PTPRT: variants seen among roughly 807,000 people sequenced by gnomAD.
PTPRT encodes the protein receptor-type tyrosine-protein phosphatase T.
In PTPRT, 56 loss-of-function variants were observed where a neutral mutation model predicts 176.8. The ratio of observed to expected loss-of-function variants is 0.32; its 90% CI spans 0.26 to 0.40. PTPRT has a LOEUF of 0.40. Ranked by LOEUF, PTPRT falls within the 10% of genes least tolerant of loss-of-function variation. The pLI, the probability that PTPRT is intolerant of heterozygous loss-of-function variation, is 1.00. For missense variants in PTPRT, 1,540 were observed against 1,908.2 expected (o/e 0.81, Z 3.60); for synonymous variants, 783 against 739.0 (o/e 1.06, Z -0.96).
intron 7 of PTPRT, among the ~76,000 whole-genome samples, chr20:42,572,907 T>C (rs2073181710): frequency 6.8e-6 from 1 of 146,084 alleles, no homozygotes; most frequent in Non-Finnish European, 1.5e-5. Flanking sequence ...CCTCTAACAC[T>C]AGAGATAAGT....
At chr20:43,055,290 G>A (rs146181641) in intron 1 of PTPRT, among the ~76,000 whole-genome samples, 5 of 152,248 alleles carry the variant, frequency 3.3e-5, no homozygotes, top group South Asian at 2.1e-4. Context: ...GAAATGATAC[G>A]TACAACCCAG....
rs79901817 is a variant in PTPRT, at chr20:42,449,292, C to T, written c.1451-963G>A. 5.9e-5 allele frequency among the ~76,000 whole-genome samples: 9 copies of T among 152,268 alleles called. 1 individual carries two copies. In the East Asian group the frequency reaches 1.7e-3, roughly 29 times the overall value. ...GAATGACCTACGCCAGCATTTTGAA[C>T]TAATAAGTGCAACCTTTCCTGGGGC... On this transcript the variant is annotated intron_variant, in intron 8 of 30. Transcript: ENST00000373187.
chr20:43,073,472 T>C (rs2011209076), intron 1 of PTPRT, among the ~76,000 whole-genome samples: 1 of 84,042 alleles, frequency 1.2e-5, no homozygotes, highest in Admixed American at 9.7e-5. Context: ...CACAGGAATA[T>C]ATATATATAC....
chr20:42,776,905 AT>A (rs1316772173), intron 4 of PTPRT, among the ~76,000 whole-genome samples: 3 of 151,252 alleles, frequency 2.0e-5, no homozygotes, highest in African/African-American at 7.3e-5. Context: ...TAATTACTTT[AT>A]TTGTTTTGCT....
At chr20:42,806,150 TTC>T (rs573959225) in intron 2 of PTPRT, among the ~76,000 whole-genome samples, 142 of 152,126 alleles carry the variant, frequency 9.3e-4, no homozygotes, top group African/African-American at 3.4e-3. Flanking sequence ...ACATAGATTT[TTC>T]TCTGTCTTTG....
chr20:42,187,877 T>C (rs1990844347), intron 16 of PTPRT, among the ~76,000 whole-genome samples: 1 of 152,230 alleles, frequency 6.6e-6, no homozygotes, highest in South Asian at 2.1e-4. Context: ...TATATGTAAG[T>C]CTTGGCTCAA....
At chr20:42,700,164 A>G (rs1019939308) in intron 6 of PTPRT, among the ~76,000 whole-genome samples, 1 of 152,182 alleles carries the variant, frequency 6.6e-6, no homozygotes, top group Non-Finnish European at 1.5e-5. Flanking sequence ...GGGATTTTTC[A>G]GAAAATTATC....
chr20:42,205,451 T>G (rs2055431232), intron 15 of PTPRT, among the ~76,000 whole-genome samples: 1 of 152,168 alleles, frequency 6.6e-6, no homozygotes, highest in African/African-American at 2.4e-5. Flanking sequence ...CCTGCCCTGT[T>G]TGGCTTTTGC....
In PTPRT at chr20:43,091,362, C is replaced by T. The variant is rs569746331; in HGVS notation, c.88+98284G>A. Among the ~76,000 whole-genome samples, 14 of 152,022 alleles carry T rather than the reference C, an allele frequency of 9.2e-5. No individual in the cohort carries two copies. The East Asian group carries it at 1.6e-3, about 17-fold the overall frequency. ...ATTAGCAATACTGAATGTTAGAAGA[C>T]GACTGGATGTACTTTGAAATGTCAA... On this transcript the variant is annotated intron_variant, in intron 1 of 30. Transcript: ENST00000373187.
intron 7 of PTPRT, among the ~76,000 whole-genome samples, chr20:42,542,072 C>T (rs2072593360): frequency 6.6e-6 from 1 of 152,108 alleles, no homozygotes; most frequent in Non-Finnish European, 1.5e-5. Flanking sequence ...AGGGGCAGTT[C>T]CCCTGCACAT....
At chr20:42,408,987 C>T (rs2145729411) in intron 9 of PTPRT, among the ~76,000 whole-genome samples, 1 of 152,294 alleles carries the variant, frequency 6.6e-6, no homozygotes, top group East Asian at 1.9e-4. Flanking sequence ...GGGCTCTGCC[C>T]TCATGACTTA....
intron 1 of PTPRT, among the ~76,000 whole-genome samples, chr20:43,030,877 G>C (rs962339813): frequency 2.6e-5 from 4 of 152,198 alleles, no homozygotes; most frequent in Non-Finnish European, 4.4e-5. Context: ...ACCCACCTTA[G>C]ATCAGCTTCC....
chr20:42,717,069 G>A (rs1473696095), intron 6 of PTPRT, among the ~76,000 whole-genome samples: 1 of 151,874 alleles, frequency 6.6e-6, no homozygotes, highest in Non-Finnish European at 1.5e-5. Context: ...ATAGCATTAG[G>A]AGATATACCT....
chr20:43,034,138 CT>C (rs1986270699), intron 1 of PTPRT, among the ~76,000 whole-genome samples: 1 of 152,214 alleles, frequency 6.6e-6, no homozygotes, highest in Admixed American at 6.5e-5. Flanking sequence ...AGAAATCTGT[CT>C]TTCCTGACCC....
intron 9 of PTPRT, among the ~76,000 whole-genome samples, chr20:42,373,659 G>T (rs749359696): frequency 4.6e-5 from 7 of 152,178 alleles, no homozygotes; most frequent in South Asian, 2.1e-4. Flanking sequence ...CGTCTCATTC[G>T]CAATGACTTG....
intron 12 of PTPRT, among the ~76,000 whole-genome samples, chr20:42,304,361 C>T (rs999606544): frequency 6.6e-6 from 1 of 152,090 alleles, no homozygotes; most frequent in Admixed American, 6.6e-5. Context: ...TGCTCTATCC[C>T]ACCTGTGATA....
At chr20:43,050,095 A>T (rs553197491) in intron 1 of PTPRT, among the ~76,000 whole-genome samples, 3 of 152,382 alleles carry the variant, frequency 2.0e-5, no homozygotes, top group African/African-American at 7.2e-5. Flanking sequence ...AGCATCCTCA[A>T]CATGGTCTCT....
At chr20:42,699,338 A>G (rs983998256) in intron 6 of PTPRT, among the ~76,000 whole-genome samples, 13 of 152,176 alleles carry the variant, frequency 8.5e-5, no homozygotes, top group Non-Finnish European at 1.5e-5. Flanking sequence ...TTAATATTGC[A>G]TCTGCTTGAG....
intron 16 of PTPRT, among the ~76,000 whole-genome samples, chr20:42,167,787 T>C (rs895540443): frequency 1.3e-5 from 2 of 152,112 alleles, no homozygotes; most frequent in South Asian, 2.1e-4. Flanking sequence ...AAACATTGGA[T>C]TCAAATGTGA....
Sources: gnomAD v4.1 joint callset for allele counts (sites outside exome capture counted in the v4.1 genomes callset) on GRCh38, gnomAD v4.1.1 for gene constraint, MANE v1.5 for transcripts, NCBI Gene and HGNC (gene_info 2026-07-23, HGNC 2026-07-21) for gene names.